UBTD2: variants seen among roughly 807,000 people sequenced by gnomAD.
The protein encoded by UBTD2 is ubiquitin domain containing 2.
Under a neutral mutation model 19.8 loss-of-function variants are expected in UBTD2, and 9 were observed. That is an observed-to-expected ratio of 0.46 (90% CI 0.27 to 0.79). The LOEUF (loss-of-function observed/expected upper bound fraction) is 0.79, where lower values mean the gene tolerates loss of function less well. Among genes scored for constraint, UBTD2 ranks in the 30% least tolerant of loss-of-function variants. The probability of loss-of-function intolerance (pLI) is 0.14; values close to 1 mark genes in which losing one functional copy is unlikely to be tolerated. For synonymous variants in UBTD2, 98 were observed against 103.9 expected (o/e 0.94, Z 0.35); for missense variants, 250 against 300.4 (o/e 0.83, Z 1.24).
intron 1 of UBTD2, among the ~76,000 whole-genome samples, chr5:172,248,833 G>A (rs1385848955): frequency 1.3e-5 from 2 of 151,776 alleles, no homozygotes; most frequent in Non-Finnish European, 2.9e-5. Flanking sequence ...CAGATACTCA[G>A]ATGGCCGAGG....
chr5:172,283,786 C>T, upstream of UBTD2: 1 of 606,300 alleles, frequency 1.6e-6, no homozygotes, highest in Non-Finnish European at 2.1e-6. The surrounding 1 kb of genome is among the most constrained non-coding windows in gnomAD (Gnocchi z 4.3). Flanking sequence ...TCCGCTCGCC[C>T]GCCGCGGCCC....
intron 2 of UBTD2, among the ~76,000 whole-genome samples, chr5:172,218,778 AAAAAAAAAAAATAAAAAAAT>A (rs1581208821): frequency 8.7e-6 from 1 of 115,196 alleles, no homozygotes; most frequent in Non-Finnish European, 1.7e-5. Flanking sequence ...CTGTCACCAA[AAAAAAAAAAAATAAAAAAAT>A]AAAAAAAAAA....
At chr5:172,261,340 C>A (rs1204081254) in intron 1 of UBTD2, among the ~76,000 whole-genome samples, 1 of 152,208 alleles carries the variant, frequency 6.6e-6, no homozygotes, top group East Asian at 1.9e-4. Flanking sequence ...CTGAAGAGCA[C>A]AGGCCTAGAA....
chr5:172,211,638 G>T lies in UBTD2; in HGVS notation c.*192C>A. ...TGTAATTACATGAGTCTCAAAGCCT[G>T]GCTCTTTGTGTTTTATTATTTTTGT... On this transcript the variant is annotated 3_prime_UTR_variant, in exon 3 of 3. Coordinates refer to ENST00000393792, the MANE Select transcript of UBTD2 (RefSeq NM_152277.3). 1 of 529,614 alleles carries T rather than the reference G, an allele frequency of 1.9e-6. No homozygotes were observed. The highest frequency in any genetic ancestry group is 3.7e-5 in the Admixed American group (1 of 26,702). The allele number at this position is 529,614 out of a possible 1,614,324, so 32.8% of individuals were successfully genotyped here.
chr5:172,255,300 C>T, intron 1 of UBTD2: 1 of 445,400 alleles, frequency 2.2e-6, no homozygotes, highest in South Asian at 1.9e-5. Flanking sequence ...TCTGAAAGAA[C>T]TCATCAGGCA....
chr5:172,254,638 T>A (rs1319488855), intron 1 of UBTD2: 2 of 628,668 alleles, frequency 3.2e-6, no homozygotes, highest in Non-Finnish European at 5.7e-6. Flanking sequence ...CATCTGTGTA[T>A]CCTCCACTTC....
intron 1 of UBTD2, among the ~76,000 whole-genome samples, chr5:172,244,865 A>T (rs1301049209): frequency 1.3e-5 from 2 of 151,804 alleles, no homozygotes; most frequent in African/African-American, 4.8e-5. Context: ...AGTAGCTGAG[A>T]TTACAGGCAC....
At chr5:172,242,339 T>C (rs1231920996) in intron 1 of UBTD2, 4 of 970,956 alleles carry the variant, frequency 4.1e-6, no homozygotes, top group South Asian at 4.8e-5. Flanking sequence ...ATATCATCTA[T>C]TATGAAGTCT....
intron 1 of UBTD2, among the ~76,000 whole-genome samples, chr5:172,282,923 A>T (rs1755748083): frequency 6.6e-6 from 1 of 152,134 alleles, no homozygotes; most frequent in African/African-American, 2.4e-5. Flanking sequence ...CGTAAGACAG[A>T]TGGGAATGTG....
chr5:172,218,555 G>C (rs1462882914), intron 2 of UBTD2, among the ~76,000 whole-genome samples: 4 of 152,006 alleles, frequency 2.6e-5, no homozygotes, highest in Non-Finnish European at 5.9e-5. Context: ...GGCCAAGGCA[G>C]GTAGATTGCT....
rs962891549 is a variant in UBTD2 at position 172,211,566 on chromosome 5, T to TAAAATA, written c.*258_*263dup. On this transcript the variant is annotated 3_prime_UTR_variant, in exon 3 of 3. Coordinates refer to ENST00000393792, the MANE Select transcript of UBTD2 (RefSeq NM_152277.3). ...GCCATTACATAGTTGTTGAGTGTTCTAAAATAAATGGTTATCTATTTCTTA... is the reference window on the plus strand; with the variant it reads ...GCCATTACATAGTTGTTGAGTGTTCTAAAATAAAAATAAATGGTTATCTATTTCTTA... The TAAAATA allele has an allele frequency of 2.5e-5, 9 of 361,504 alleles. No individual in the cohort carries two copies. The highest frequency in any genetic ancestry group is 1.9e-4 in the African/African-American group (9 of 48,346). 22.4% of individuals were successfully genotyped at this position (361,504 alleles called of 1,614,324 possible).
chr5:172,268,365 T>C (rs1755419414), intron 1 of UBTD2, among the ~76,000 whole-genome samples: 1 of 151,180 alleles, frequency 6.6e-6, no homozygotes, highest in African/African-American at 2.4e-5. Context: ...GCCTGGAAAA[T>C]AGTTCAACCG....
At chr5:172,212,733 C>T (rs1456173990) in intron 2 of UBTD2, among the ~76,000 whole-genome samples, 3 of 152,150 alleles carry the variant, frequency 2.0e-5, no homozygotes, top group South Asian at 2.1e-4. Flanking sequence ...GGCACCATCT[C>T]GGCTCACTGC....
intron 1 of UBTD2, among the ~76,000 whole-genome samples, chr5:172,266,629 G>A (rs969470360): frequency 1.3e-5 from 2 of 152,202 alleles, no homozygotes; most frequent in African/African-American, 4.8e-5. Flanking sequence ...AGTAATGTCA[G>A]GTGAGAGATA....
At chr5:172,218,817 T>TAAATAAAAAAA (rs1771598812) in intron 2 of UBTD2, among the ~76,000 whole-genome samples, 1 of 89,654 alleles carries the variant, frequency 1.1e-5, no homozygotes, top group African/African-American at 3.7e-5. Flanking sequence ...AAATAAAAAA[T>TAAATAAAAAAA]AAAAATAAAA....
At chr5:172,250,851 C>T (rs1554129161) in intron 1 of UBTD2, among the ~76,000 whole-genome samples, 2 of 145,076 alleles carry the variant, frequency 1.4e-5, no homozygotes, top group Non-Finnish European at 3.0e-5. Context: ...GTGGATCACC[C>T]GAGCTCAGGA....
intron 1 of UBTD2, among the ~76,000 whole-genome samples, chr5:172,279,813 T>G (rs1008279246): frequency 2.0e-5 from 3 of 152,216 alleles, no homozygotes; most frequent in Non-Finnish European, 4.4e-5. Flanking sequence ...CATCACAATG[T>G]CATTCTAGTA....
At chr5:172,270,274 T>C (rs1463457410) in intron 1 of UBTD2, among the ~76,000 whole-genome samples, 1 of 151,530 alleles carries the variant, frequency 6.6e-6, no homozygotes, top group Non-Finnish European at 1.5e-5. Flanking sequence ...ACATTTCTTA[T>C]GCTTAATCTG....
At chr5:172,276,744 AGAAGGGAGGGAGG>A (rs1358833534) in intron 1 of UBTD2, among the ~76,000 whole-genome samples, 1 of 151,668 alleles carries the variant, frequency 6.6e-6, no homozygotes, top group East Asian at 1.9e-4. Flanking sequence ...AAAGGGGGAG[AGAAGGGAGGGAGG>A]GAAGGAAGAA....
Sources: gnomAD v4.1 joint callset for allele counts (sites outside exome capture counted in the v4.1 genomes callset) on GRCh38, gnomAD v4.1.1 for gene constraint, Gnocchi (gnomAD v3.1) non-coding constraint, MANE v1.5 for transcripts, NCBI Gene and HGNC (gene_info 2026-07-23, HGNC 2026-07-21) for gene names.